Variants in ABCB1 observed in about 807,000 individuals in gnomAD.
ABCB1 encodes ATP binding cassette subfamily B member 1, also known as ATP-dependent translocase ABCB1.
In ABCB1, 69 loss-of-function variants were observed where a neutral mutation model predicts 142.0. That is an observed-to-expected ratio of 0.49 (90% CI 0.40 to 0.59). The LOEUF is 0.59. ABCB1 is among the 20% of genes least tolerant of loss of function. The probability of loss-of-function intolerance (pLI) is 0.00; values close to 1 mark genes in which losing one functional copy is unlikely to be tolerated. For missense variants in ABCB1, 1,326 were observed against 1,554.7 expected (o/e 0.85, Z 2.47); for synonymous variants, 532 against 539.2 (o/e 0.99, Z 0.18).
chr7:87,654,146 A>G (rs2130396554), intron 1 of ABCB1, among the ~76,000 whole-genome samples: 1 of 152,156 alleles, frequency 6.6e-6, no homozygotes, highest in East Asian at 1.9e-4. Flanking sequence ...AAATGTTTAT[A>G]TTAACAATCT....
intron 1 of ABCB1, among the ~76,000 whole-genome samples, chr7:87,667,652 A>G (rs1313227689): frequency 6.6e-6 from 1 of 152,062 alleles, no homozygotes; most frequent in African/African-American, 2.4e-5. Flanking sequence ...ATTTTGAAGT[A>G]TGTTCCTTCA....
chr7:87,620,766 TA>T (rs1820195320), intron 1 of ABCB1, among the ~76,000 whole-genome samples: 1 of 152,034 alleles, frequency 6.6e-6, no homozygotes, highest in Admixed American at 6.6e-5. Context: ...CCAAAAATTA[TA>T]AAAGTAAAAA....
intron 1 of ABCB1, among the ~76,000 whole-genome samples, chr7:87,669,450 G>A (rs905821787): frequency 6.6e-6 from 1 of 152,070 alleles, no homozygotes; most frequent in African/African-American, 2.4e-5. Context: ...TGCCTTTTAA[G>A]TGGGGCATTT....
intron 14 of ABCB1, among the ~76,000 whole-genome samples, chr7:87,547,865 A>C (rs1816854659): frequency 6.7e-6 from 1 of 148,258 alleles, no homozygotes; most frequent in Non-Finnish European, 1.5e-5. Context: ...AAAAAAAAAA[A>C]AAAAAAACCT....
chr7:87,666,111 G>A (rs942113121), intron 1 of ABCB1, among the ~76,000 whole-genome samples: 2 of 152,110 alleles, frequency 1.3e-5, no homozygotes, highest in African/African-American at 4.8e-5. Context: ...TAACAGCAGT[G>A]TATAAGCATC....
chr7:87,597,869 T>C (rs1190503214), intron 2 of ABCB1, among the ~76,000 whole-genome samples: 1 of 152,172 alleles, frequency 6.6e-6, no homozygotes, highest in African/African-American at 2.4e-5. Flanking sequence ...TTTTCCTTGT[T>C]GAACTTTTAG....
chr7:87,592,207 G>C lies in ABCB1; in HGVS notation c.117+3559C>G, dbSNP rs115429172. Among the ~76,000 whole-genome samples, 188 of 152,310 alleles carry C rather than the reference G, an allele frequency of 1.2e-3. 2 individuals are homozygous for C. The highest frequency in any genetic ancestry group is 4.4e-3 in the African/African-American group (183 of 41,568). On this transcript the variant is annotated intron_variant, in intron 3 of 27. Transcript: ENST00000622132. Reference sequence around the variant, plus strand: ...TGTCAATGCCAATGGGACAGATCCAGTTGAGAGGGAAAGATGGAAGATACA... The same window carrying C: ...TGTCAATGCCAATGGGACAGATCCACTTGAGAGGGAAAGATGGAAGATACA...
chr7:87,542,697 C>G (rs1052055680), intron 17 of ABCB1, among the ~76,000 whole-genome samples: 7 of 151,764 alleles, frequency 4.6e-5, no homozygotes, highest in Non-Finnish European at 1.0e-4. Context: ...AGTCTACCCC[C>G]GCCAACCCCC....
Position 87,545,877 on chromosome 7 carries a change from G to T in ABCB1, c.1873C>A (p.Leu625Ile). The T allele has an allele frequency of 1.2e-6, 2 of 1,614,122 alleles. No individual in the cohort carries two copies. ...TTAAACTATACCTGCATTGTGACAA[G>T]TTTGAAGTAAATGCCTTTCTCTTTC... is the stretch of plus-strand genomic sequence containing the variant. ...LMKEKGIYFK[L>I]VTMQTAGNEV... is the part of the protein sequence containing the mutation. Residue 625 changes from leucine to isoleucine, a missense_variant, in exon 15 of 28, where the codon CTT becomes ATT. Coordinates refer to ENST00000622132, the MANE Select transcript of ABCB1 (RefSeq NM_001348946.2).
chr7:87,544,814 C>G lies in ABCB1; in HGVS notation c.2064+9G>C, dbSNP rs769071474. The G allele has an allele frequency of 6.2e-7, 1 of 1,613,904 alleles. No individual in the cohort carries two copies. The highest frequency in any genetic ancestry group is 1.1e-5 in the South Asian group (1 of 91,080). On this transcript the variant is annotated intron_variant, in intron 16 of 27. Transcript: ENST00000622132. The stretch of plus-strand genomic sequence containing the variant: ...GAGATTAAAACAAACTCCGCATCTC[C>G]CTTCATACCAGAGCCTCTTTGGTAC...
chr7:87,614,619 G>C (rs1389501553), intron 1 of ABCB1, among the ~76,000 whole-genome samples: 2 of 152,190 alleles, frequency 1.3e-5, no homozygotes, highest in Non-Finnish European at 2.9e-5. Flanking sequence ...TGTGTAACAA[G>C]AGTGTTGCGA....
chr7:87,608,303 T>G (rs181272282), intron 1 of ABCB1, among the ~76,000 whole-genome samples: 274 of 152,360 alleles, frequency 1.8e-3, no homozygotes, highest in African/African-American at 6.4e-3. Flanking sequence ...GCTTAGTACC[T>G]GGATGTCTAT....
chr7:87,507,134 C>G (rs1171124420), intron 26 of ABCB1, among the ~76,000 whole-genome samples: 1 of 152,176 alleles, frequency 6.6e-6, no homozygotes, highest in Admixed American at 6.5e-5. Flanking sequence ...AGAAGTGGAT[C>G]CTTAGGTAAT....
chr7:87,662,056 G>A (rs1475566812), intron 1 of ABCB1, among the ~76,000 whole-genome samples: 1 of 152,028 alleles, frequency 6.6e-6, no homozygotes, highest in African/African-American at 2.4e-5. Flanking sequence ...GTCTTCTTTT[G>A]AGAAACATCT....
chr7:87,613,162 A>T (rs565581784), intron 1 of ABCB1, among the ~76,000 whole-genome samples: 1 of 145,802 alleles, frequency 6.9e-6, no homozygotes, highest in African/African-American at 2.5e-5. Context: ...ATGTAGAAGT[A>T]TTTTGGAGGA....
chr7:87,596,502 C>G (rs997396027), intron 2 of ABCB1, among the ~76,000 whole-genome samples: 1 of 152,010 alleles, frequency 6.6e-6, no homozygotes, highest in Non-Finnish European at 1.5e-5. Flanking sequence ...TTATTTTGAG[C>G]CCAGATACAA....
chr7:87,565,287 T>C (rs546180149), intron 7 of ABCB1, among the ~76,000 whole-genome samples: 1 of 152,366 alleles, frequency 6.6e-6, no homozygotes, highest in South Asian at 2.1e-4. Context: ...TTGCCTTATC[T>C]GAGTTGTGTT....
intron 1 of ABCB1, among the ~76,000 whole-genome samples, chr7:87,660,553 A>C (rs1824592576): frequency 6.6e-6 from 1 of 151,814 alleles, no homozygotes; most frequent in Non-Finnish European, 1.5e-5. Flanking sequence ...TTTTTTCTTA[A>C]CCAGTATTGC....
intron 1 of ABCB1, among the ~76,000 whole-genome samples, chr7:87,651,336 G>A (rs1823549688): frequency 6.6e-6 from 1 of 152,088 alleles, no homozygotes; most frequent in African/African-American, 2.4e-5. Flanking sequence ...TTAGCAGGTA[G>A]TAGGTTAAAA....
Sources: gnomAD v4.1 joint callset for allele counts (sites outside exome capture counted in the v4.1 genomes callset) on GRCh38, gnomAD v4.1.1 for gene constraint, MANE v1.5 for transcripts, NCBI Gene and HGNC (gene_info 2026-07-23, HGNC 2026-07-21) for gene names.